The following CYYR1 variants were observed in gnomAD, a reference collection of about 807,000 sequenced individuals.
CYYR1 encodes the protein cysteine and tyrosine rich 1.
Under a neutral mutation model 15.2 loss-of-function variants are expected in CYYR1, and 14 were observed. The ratio of observed to expected loss-of-function variants is 0.92; its 90% confidence interval spans 0.61 to 1.44. CYYR1 has a LOEUF of 1.44. Ranked by LOEUF, CYYR1 falls within the 40% of genes most tolerant of loss-of-function variation. The probability of loss-of-function intolerance (pLI) is 0.00; values close to 1 mark genes in which losing one functional copy is unlikely to be tolerated. For missense variants in CYYR1, 228 were observed against 209.5 expected (o/e 1.09, Z -0.54); for synonymous variants, 80 against 77.4 (o/e 1.03, Z -0.18).
intron 2 of CYYR1, among the ~76,000 whole-genome samples, chr21:26,505,029 A>G (rs1378252021): frequency 6.6e-6 from 1 of 152,232 alleles, no homozygotes. Flanking sequence ...TTAGGAACAT[A>G]TTCAGGCTAT....
intron 2 of CYYR1, among the ~76,000 whole-genome samples, chr21:26,543,653 C>A (rs1487720748): frequency 6.6e-6 from 1 of 152,204 alleles, no homozygotes; most frequent in African/African-American, 2.4e-5. Context: ...CGCCTGTAAT[C>A]CCAGCACTTT....
intron 2 of CYYR1, among the ~76,000 whole-genome samples, chr21:26,533,230 A>G (rs1276645186): frequency 1.3e-5 from 2 of 148,752 alleles, no homozygotes; most frequent in Non-Finnish European, 3.0e-5. Context: ...TATTATATTC[A>G]TAGTATATTT....
chr21:26,531,247 T>C (rs542238435), intron 2 of CYYR1, among the ~76,000 whole-genome samples: 8 of 152,274 alleles, frequency 5.3e-5, no homozygotes, highest in Admixed American at 3.9e-4. Flanking sequence ...GGAAGCTGGA[T>C]TGGATGGATG....
At chr21:26,499,253 C>T (rs565707324) in intron 2 of CYYR1, among the ~76,000 whole-genome samples, 5 of 152,172 alleles carry the variant, frequency 3.3e-5, no homozygotes, top group East Asian at 3.9e-4. Context: ...CTAAATACAA[C>T]GATGAGTATT....
Position 26,467,762 on chromosome 21 carries a change from C to A in CYYR1, c.*739G>T, listed in dbSNP as rs1169514704. 1 of 152,170 alleles carries A rather than the reference C, an allele frequency of 6.6e-6. No homozygotes were observed. Among genetic ancestry groups the A allele is most frequent in the African/African-American group, 2.4e-5 (1 of 41,446 alleles). The allele number at this position is 152,170 out of a possible 1,614,324, so 9.4% of individuals were successfully genotyped here. ...GTCTTTTTGGTCTTGTTTTAACTCC[C>A]TAATTAAATAAATAAGATCCAACTC... On this transcript the variant is annotated 3_prime_UTR_variant, in exon 4 of 4. Transcript: ENST00000652641.
intron 3 of CYYR1, 44 bp downstream of exon 3, chr21:26,480,228 T>G: frequency 6.4e-7 from 1 of 1,559,122 alleles, no homozygotes; most frequent in South Asian, 1.2e-5. Context: ...GAGCAGAGGA[T>G]AACTAGCAAA....
chr21:26,503,404 GTA>G (rs1224686320), intron 2 of CYYR1, among the ~76,000 whole-genome samples: 1 of 152,062 alleles, frequency 6.6e-6, no homozygotes, highest in Non-Finnish European at 1.5e-5. Flanking sequence ...AAAAATTAAA[GTA>G]TTGTGAAACA....
At chr21:26,555,604 G>T (rs1264081153) in intron 2 of CYYR1, among the ~76,000 whole-genome samples, 12 of 152,018 alleles carry the variant, frequency 7.9e-5, no homozygotes, top group Non-Finnish European at 1.5e-5. Flanking sequence ...CATGAATATT[G>T]AAATTAAAAA....
At chr21:26,540,125 G>A (rs549121506) in intron 2 of CYYR1, among the ~76,000 whole-genome samples, 1 of 152,150 alleles carries the variant, frequency 6.6e-6, no homozygotes, top group Non-Finnish European at 1.5e-5. Context: ...TCTTCAAAAG[G>A]ATGTATGTAG....
At chr21:26,560,910 T>TA (rs1185832858) in intron 2 of CYYR1, among the ~76,000 whole-genome samples, 2 of 152,196 alleles carry the variant, frequency 1.3e-5, no homozygotes, top group Non-Finnish European at 2.9e-5. Flanking sequence ...AGCTGTAAGA[T>TA]AAATTGTGGA....
At chr21:26,483,667 C>A (rs2065213715) in intron 2 of CYYR1, among the ~76,000 whole-genome samples, 1 of 152,090 alleles carries the variant, frequency 6.6e-6, no homozygotes, top group Non-Finnish European at 1.5e-5. Context: ...GCTTTCATCT[C>A]AGACACCCAG....
chr21:26,523,746 T>C (rs770125350), intron 2 of CYYR1, among the ~76,000 whole-genome samples: 4 of 152,194 alleles, frequency 2.6e-5, no homozygotes, highest in Admixed American at 6.5e-5. Flanking sequence ...GAAGCCTTTG[T>C]GACCACTCAA....
At chr21:26,469,035 A>T (rs138093130) in intron 3 of CYYR1, among the ~76,000 whole-genome samples, 1 of 152,210 alleles carries the variant, frequency 6.6e-6, no homozygotes, top group African/African-American at 2.4e-5. Context: ...TGTAGAATGT[A>T]TAACATGTAG....
At chr21:26,496,674 T>C (rs1270159076) in intron 2 of CYYR1, among the ~76,000 whole-genome samples, 5 of 152,204 alleles carry the variant, frequency 3.3e-5, no homozygotes, top group Admixed American at 3.3e-4. Context: ...TTTGATTATA[T>C]GAAAATAGAC....
chr21:26,489,352 TGA>T (rs2065295192), intron 2 of CYYR1, among the ~76,000 whole-genome samples: 1 of 152,170 alleles, frequency 6.6e-6, no homozygotes, highest in East Asian at 1.9e-4. Flanking sequence ...ATGCTTTGAT[TGA>T]TGAACAAAAA....
intron 2 of CYYR1, among the ~76,000 whole-genome samples, chr21:26,502,108 T>C (rs890558188): frequency 1.3e-5 from 2 of 152,168 alleles, no homozygotes; most frequent in African/African-American, 2.4e-5. Context: ...AAAGCACTGA[T>C]TTATGCACCC....
chr21:26,532,037 T>C (rs1225116660), intron 2 of CYYR1, among the ~76,000 whole-genome samples: 2 of 152,164 alleles, frequency 1.3e-5, no homozygotes, highest in Non-Finnish European at 2.9e-5. Flanking sequence ...TGAAGGATTC[T>C]GTAATTTGAA....
At chr21:26,568,810 A>G (rs1980821448) in intron 1 of CYYR1, 2 of 152,222 alleles carry the variant, frequency 1.3e-5, no homozygotes, top group East Asian at 1.9e-4. Flanking sequence ...TCAACCAGAC[A>G]CTTCTCAAAA....
chr21:26,520,437 C>A (rs1471457894), intron 2 of CYYR1, among the ~76,000 whole-genome samples: 1 of 151,972 alleles, frequency 6.6e-6, no homozygotes, highest in African/African-American at 2.4e-5. Flanking sequence ...GCATAGTATT[C>A]CATGGTGTAT....
Sources: allele counts gnomAD v4.1 joint callset (sites outside exome capture counted in the v4.1 genomes callset), GRCh38; gene constraint gnomAD v4.1.1; transcripts MANE v1.5; gene names NCBI Gene and HGNC (gene_info 2026-07-23, HGNC 2026-07-21).